RPTOR: variants seen among roughly 807,000 people sequenced by gnomAD.
RPTOR encodes the protein regulatory associated protein of MTOR complex 1.
In RPTOR, 21 loss-of-function variants were observed where a neutral mutation model predicts 169.9. That is an observed-to-expected ratio of 0.12 (90% CI 0.09 to 0.18). RPTOR has a LOEUF of 0.18. Ranked by LOEUF, RPTOR falls within the 10% of genes least tolerant of loss-of-function variation. The pLI is 1.00. For synonymous variants in RPTOR, 732 were observed against 753.2 expected (o/e 0.97, Z 0.46); for missense variants, 1,133 against 1,855.9 (o/e 0.61, Z 7.16).
chr17:80,808,778 A>T (rs2067244120), intron 7 of RPTOR, among the ~76,000 whole-genome samples: 1 of 152,210 alleles, frequency 6.6e-6, no homozygotes, highest in African/African-American at 2.4e-5. Context: ...ATGATAAAGT[A>T]TGTGCTCTTT....
intron 28 of RPTOR, 49 bp downstream of exon 28, chr17:80,949,596 C>T (rs761692604): frequency 1.1e-5 from 16 of 1,463,778 alleles, no homozygotes; most frequent in African/African-American, 5.6e-5. Flanking sequence ...CCCGGGGCTG[C>T]GGACGCACTC....
rs1021581375 is a variant in RPTOR at position 80,960,652 on chromosome 17, C to A, written c.3605+447C>A. The A allele has an allele frequency of 2.0e-4, 43 of 215,570 alleles. No homozygotes were observed. The highest frequency in any genetic ancestry group is 9.2e-4 in the African/African-American group (41 of 44,774). 13.4% of individuals were successfully genotyped at this position (215,570 alleles called of 1,614,324 possible). A position where few individuals can be genotyped will look rare whatever the true frequency, so the allele number is the denominator to read the frequency against. The stretch of plus-strand genomic sequence containing the variant: ...GTGGGCACAGCAGCCCTGGGCACTG[C>A]CTCCACTGAGCACCCCTGTGGGCAG... On this transcript the variant is annotated intron_variant, in intron 30 of 33. Coordinates refer to ENST00000306801, the MANE Select transcript of RPTOR (RefSeq NM_020761.3). The surrounding 1 kb of genome is among the most constrained non-coding windows in gnomAD (Gnocchi z 4.8).
At chr17:80,884,159 G>T (rs1342355558) in intron 16 of RPTOR, among the ~76,000 whole-genome samples, 187 bp downstream of exon 16, 1 of 152,244 alleles carries the variant, frequency 6.6e-6, no homozygotes, top group East Asian at 1.9e-4. Flanking sequence ...TTTGCACCCA[G>T]GCCCAGAGTG....
chr17:80,617,736 A>G (rs1310163565), intron 1 of RPTOR, among the ~76,000 whole-genome samples: 1 of 152,206 alleles, frequency 6.6e-6, no homozygotes, highest in Non-Finnish European at 1.5e-5. Context: ...CTTGGGGATT[A>G]TCGACGACTA....
At chr17:80,545,880 C>T in intron 1 of RPTOR, 89 bp downstream of exon 1, 2 of 1,126,484 alleles carry the variant, frequency 1.8e-6, no homozygotes, top group East Asian at 2.6e-5. Context: ...GGGAAAGCGC[C>T]GACATTTCCC....
At chr17:80,588,249 G>A (rs1326928473) in intron 1 of RPTOR, among the ~76,000 whole-genome samples, 1 of 150,188 alleles carries the variant, frequency 6.7e-6, no homozygotes, top group Non-Finnish European at 1.5e-5. Flanking sequence ...TGCAACCTCC[G>A]CCTCTCGGGG....
chr17:80,740,946 G>C (rs1373550084), intron 5 of RPTOR, among the ~76,000 whole-genome samples: 1 of 152,200 alleles, frequency 6.6e-6, no homozygotes, highest in African/African-American at 2.4e-5. Context: ...AGACATCATT[G>C]GTTATCAGGG....
At chr17:80,596,640 T>C (rs2065146607) in intron 1 of RPTOR, among the ~76,000 whole-genome samples, 3 of 152,240 alleles carry the variant, frequency 2.0e-5, no homozygotes, top group Admixed American at 2.0e-4. Flanking sequence ...TGTTGGTGTT[T>C]AGGAACCCCT....
At chr17:80,773,728 G>A (rs771506257) in intron 6 of RPTOR, 332 of 950,392 alleles carry the variant, frequency 3.5e-4, no homozygotes, top group Middle Eastern at 2.1e-3. Flanking sequence ...CTCCAGGCAG[G>A]CGCTTGGGCA....
At position 80,960,557 on chromosome 17, in the gene RPTOR, T is replaced by A. The variant is rs1404523944; in HGVS notation, c.3605+352T>A. On this transcript the variant is annotated intron_variant, in intron 30 of 33. Coordinates refer to ENST00000306801, the MANE Select transcript of RPTOR (RefSeq NM_020761.3). This position sits in a 1 kb window ranked among gnomAD's most constrained non-coding sequence, Gnocchi z 4.8. ...CACCTCTGAGCTCACCTGAACAGAA[T>A]ACTGCCACTGCCTGCCACCTCCTGG... Among the ~76,000 whole-genome samples, 2 of 152,196 alleles carry A rather than the reference T, an allele frequency of 1.3e-5. No homozygotes were observed. Among genetic ancestry groups the A allele is most frequent in the Non-Finnish European group, 2.9e-5 (2 of 68,022 alleles).
intron 24 of RPTOR, among the ~76,000 whole-genome samples, chr17:80,933,208 C>A (rs1392395528): frequency 6.6e-6 from 1 of 152,200 alleles, no homozygotes; most frequent in African/African-American, 2.4e-5. Flanking sequence ...TCACAGATGA[C>A]ATGATCCTGA....
At chr17:80,791,973 G>A (rs1440382055) in intron 7 of RPTOR, among the ~76,000 whole-genome samples, 3 of 152,124 alleles carry the variant, frequency 2.0e-5, no homozygotes, top group East Asian at 1.9e-4. Context: ...GAACCTGAGC[G>A]ATGAAGTGAC....
chr17:80,886,374 C>T (rs2068246861), intron 17 of RPTOR, among the ~76,000 whole-genome samples: 1 of 152,198 alleles, frequency 6.6e-6, no homozygotes, highest in African/African-American at 2.4e-5. Context: ...TCCGGGCTGC[C>T]TTTTCTGTTG....
intron 3 of RPTOR, among the ~76,000 whole-genome samples, chr17:80,691,922 T>A (rs1023506828): frequency 6.6e-6 from 1 of 152,184 alleles, no homozygotes; most frequent in African/African-American, 2.4e-5. Context: ...CATGGAGTGC[T>A]CAGATTGTTC....
At chr17:80,713,959 A>T (rs569839511) in intron 4 of RPTOR, among the ~76,000 whole-genome samples, 1 of 152,242 alleles carries the variant, frequency 6.6e-6, no homozygotes, top group African/African-American at 2.4e-5. Context: ...TTTTTTTGAG[A>T]TGGAGTCTCG....
rs1393903149 is a variant in RPTOR at position 80,803,810 on chromosome 17, A to G, written c.890+12301A>G. 1 of 152,240 alleles carries G rather than the reference A, an allele frequency of 6.6e-6. No individual in the cohort carries two copies. Among genetic ancestry groups the G allele is most frequent in the Non-Finnish European group, 1.5e-5 (1 of 68,092 alleles). 9.4% of individuals were successfully genotyped at this position (152,240 alleles called of 1,614,324 possible). A position where few individuals can be genotyped will look rare whatever the true frequency, so the allele number is the denominator to read the frequency against. On this transcript the variant is annotated intron_variant, in intron 7 of 33. Coordinates refer to ENST00000306801, the MANE Select transcript of RPTOR (RefSeq NM_020761.3). This position sits in a 1 kb window ranked among gnomAD's most constrained non-coding sequence, Gnocchi z 6.2. ...GGAGAGCCATGTGATCGCACACAAGAGTGCCTGGATGCTTCTTTGATTGGG... is the reference window on the plus strand; with the variant it reads ...GGAGAGCCATGTGATCGCACACAAGGGTGCCTGGATGCTTCTTTGATTGGG...
At chr17:80,655,905 G>T (rs1840534111) in intron 3 of RPTOR, among the ~76,000 whole-genome samples, 1 of 152,014 alleles carries the variant, frequency 6.6e-6, no homozygotes, top group African/African-American at 2.4e-5. Context: ...TAGATGGAGG[G>T]CAAGTCGGTG....
intron 6 of RPTOR, among the ~76,000 whole-genome samples, chr17:80,759,321 A>G (rs1275076829): frequency 6.6e-6 from 1 of 152,204 alleles, no homozygotes; most frequent in African/African-American, 2.4e-5. Context: ...TCATCCCAGT[A>G]GCCCCTGAAA....
At chr17:80,802,209 T>C (rs2067167180) in intron 7 of RPTOR, 1 of 152,186 alleles carries the variant, frequency 6.6e-6, no homozygotes, top group Admixed American at 6.5e-5. Context: ...GTATTTGTCA[T>C]CAAAACAAAG....
Sources: allele counts gnomAD v4.1 joint callset (sites outside exome capture counted in the v4.1 genomes callset), GRCh38; gene constraint gnomAD v4.1.1; non-coding constraint Gnocchi (gnomAD v3.1); transcripts MANE v1.5; gene names NCBI Gene and HGNC (gene_info 2026-07-23, HGNC 2026-07-21).